HADHB: variants seen among roughly 807,000 people sequenced by gnomAD.
HADHB encodes hydroxyacyl-CoA dehydrogenase trifunctional multienzyme complex subunit beta.
In HADHB, 50 loss-of-function variants were observed where a neutral mutation model predicts 61.9. The ratio of observed to expected loss-of-function variants is 0.81; its 90% CI spans 0.64 to 1.02. The LOEUF (loss-of-function observed/expected upper bound fraction) is 1.02. Ranked by LOEUF, HADHB falls within the 50% of genes least tolerant of loss-of-function variation. The pLI, the probability that HADHB is intolerant of heterozygous loss-of-function variation, is 0.00. For missense variants in HADHB, 504 were observed against 586.5 expected (o/e 0.86, Z 1.45); for synonymous variants, 191 against 201.6 (o/e 0.95, Z 0.45).
Position 26,282,937 on chromosome 2 carries a change from T to G in HADHB, c.1013+13T>G. 2 of 1,605,946 alleles carry G rather than the reference T, an allele frequency of 1.2e-6. No homozygotes were observed. The highest frequency in any genetic ancestry group is 3.3e-5 in the Admixed American group (2 of 60,026). On this transcript the variant is annotated intron_variant, in intron 11 of 15. Transcript: ENST00000317799. ...AGGCATATTTGAGGTAAAGTAAATG[T>G]TCAAACAAATCATCTCTGATTTCTT...
At position 26,280,105 on chromosome 2, in the gene HADHB, C is replaced by A. The variant is rs1672723074; in HGVS notation, c.923C>A (p.Ser308Tyr). ...KPYGTVTAANSSFLTDGASAM... is the reference protein window; with the variant it reads ...KPYGTVTAANYSFLTDGASAM... ...TACGGCACAGTGACAGCTGCAAATT[C>A]TTCTTTCTTGGTAACTGTCAATGTT... The change falls in exon 10 of 16, where the codon TCT becomes TAT. Residue 308 changes from serine (S) to tyrosine (Y), a missense_variant. Transcript: ENST00000317799. 6.2e-7 allele frequency: 1 copy of A among 1,612,502 alleles called. No individual in the cohort carries two copies. The highest frequency in any genetic ancestry group is 8.5e-7 in the Non-Finnish European group (1 of 1,178,698).
chr2:26,278,859 T>C, intron 8 of HADHB, 58 bp downstream of exon 8: 1 of 1,348,260 alleles, frequency 7.4e-7, no homozygotes, highest in Non-Finnish European at 1.1e-6. Context: ...GGTATGGCAG[T>C]GTGGACTCTG....
chr2:26,261,966 C>T (rs542416357), intron 3 of HADHB, among the ~76,000 whole-genome samples: 16 of 152,088 alleles, frequency 1.1e-4, no homozygotes, highest in African/African-American at 3.9e-4. Flanking sequence ...TTGATACTGC[C>T]TTTATCCTGG....
At chr2:26,261,825 G>C (rs1338307130) in intron 3 of HADHB, among the ~76,000 whole-genome samples, 1 of 150,766 alleles carries the variant, frequency 6.6e-6, no homozygotes, top group South Asian at 2.1e-4. Context: ...TTCTCACTTT[G>C]TTTCGGGTAG....
Position 26,260,081 on chromosome 2 carries a change from G to GTTTT in HADHB, c.110-3284_110-3281dup, listed in dbSNP as rs35276756. ...AGGAATATATGGTCAGTTTTTTCTG[G>GTTTT]TTTTTTTTTTTTTTTTTTGAGGCAG... is the stretch of plus-strand genomic sequence containing the variant. On this transcript the variant is annotated intron_variant, in intron 3 of 15. Coordinates refer to ENST00000317799, the MANE Select transcript of HADHB (RefSeq NM_000183.3). 4.4e-3 allele frequency among the ~76,000 whole-genome samples: 585 copies of GTTTT among 133,540 alleles called. 9 individuals are homozygous for GTTTT. Among genetic ancestry groups the GTTTT allele is most frequent in the African/African-American group, 0.015 (550 of 36,554 alleles). 87.6% of individuals were successfully genotyped at this position (133,540 alleles called of 152,430 possible). A position where few individuals can be genotyped will look rare whatever the true frequency, so the allele number is the denominator to read the frequency against.
At chr2:26,270,073 ATTTGTTC>A in intron 5 of HADHB, 76 bp downstream of exon 5, 1 of 948,272 alleles carries the variant, frequency 1.1e-6, no homozygotes, top group Non-Finnish European at 1.7e-6. Context: ...TAAAATAGCA[ATTTGTTC>A]TTATTTTAGC....
At chr2:26,270,799 CCT>C (rs1672306474) in intron 5 of HADHB, among the ~76,000 whole-genome samples, 1 of 151,942 alleles carries the variant, frequency 6.6e-6, no homozygotes, top group Non-Finnish European at 1.5e-5. Context: ...GCTATAATCA[CCT>C]CTCTTCTGTT....
chr2:26,289,995 A>T lies in HADHB; in HGVS notation c.*42A>T, dbSNP rs1673199008. The T allele has an allele frequency of 3.7e-6, 5 of 1,343,862 alleles. No homozygotes were observed. In the East Asian group the frequency reaches 1.1e-4, roughly 31 times the overall value. 83.2% of individuals were successfully genotyped at this position (1,343,862 alleles called of 1,614,324 possible). A position where few individuals can be genotyped will look rare whatever the true frequency, so the allele number is the denominator to read the frequency against. On this transcript the variant is annotated 3_prime_UTR_variant, in exon 16 of 16. Transcript: ENST00000317799. ...GACCTGAAGTTTCTGTGCAACACTC[A>T]CACTAGGCAATGCCATTTCAATGCA...
intron 14 of HADHB, among the ~76,000 whole-genome samples, 186 bp from the exon 15 acceptor site, chr2:26,285,221 A>G (rs1239240483): frequency 6.6e-6 from 1 of 152,228 alleles, no homozygotes; most frequent in Non-Finnish European, 1.5e-5. Context: ...ACATTAGATG[A>G]AAAATAAATG....
intron 4 of HADHB, among the ~76,000 whole-genome samples, chr2:26,266,605 C>T (rs914480450): frequency 7.9e-5 from 12 of 151,558 alleles, no homozygotes; most frequent in East Asian, 1.9e-4. Flanking sequence ...GTTGGCTGGG[C>T]GCAGTGGCTC....
In HADHB at chr2:26,257,341, C is replaced by T. The variant is rs535473370; in HGVS notation, c.109+2867C>T. On this transcript the variant is annotated intron_variant, in intron 3 of 15. Coordinates refer to ENST00000317799, the MANE Select transcript of HADHB (RefSeq NM_000183.3). The stretch of plus-strand genomic sequence containing the variant: ...GTCACCGTGTTAGCCAGGATGGTCT[C>T]GATCTCCTGACCTCGTGATCTGCCC... Among the ~76,000 whole-genome samples the T allele has an allele frequency of 9.9e-5, 15 of 151,848 alleles. No individual in the cohort carries two copies. In the South Asian group the frequency reaches 2.1e-3, roughly 21 times the overall value.
chr2:26,279,752 A>T (rs1672707039), intron 9 of HADHB, among the ~76,000 whole-genome samples: 1 of 152,214 alleles, frequency 6.6e-6, no homozygotes, highest in South Asian at 2.1e-4. Context: ...GCCAACTGTG[A>T]ATGAATGTCT....
chr2:26,278,895 G>C, intron 8 of HADHB, 94 bp downstream of exon 8: 3 of 1,131,192 alleles, frequency 2.7e-6, no homozygotes, highest in Non-Finnish European at 4.1e-6. Context: ...TGTAGATTCT[G>C]TAGTTACAGG....
chr2:26,287,076 C>T (rs769914542), intron 15 of HADHB, among the ~76,000 whole-genome samples: 1 of 151,620 alleles, frequency 6.6e-6, no homozygotes, highest in Non-Finnish European at 1.5e-5. Flanking sequence ...TGGTGGTGTG[C>T]GCCTGTAATT....
chr2:26,262,921 T>A (rs552681016), intron 3 of HADHB, among the ~76,000 whole-genome samples: 30 of 151,794 alleles, frequency 2.0e-4, no homozygotes, highest in South Asian at 4.2e-4. Context: ...AGCCTTTTTT[T>A]AAAAAAAAAT....
At chr2:26,269,644 AC>A (rs1241947796) in intron 4 of HADHB, among the ~76,000 whole-genome samples, 2 of 152,224 alleles carry the variant, frequency 1.3e-5, no homozygotes, top group Non-Finnish European at 2.9e-5. Flanking sequence ...AGGAAAAGAG[AC>A]CTCAAAGGTG....
chr2:26,280,384 C>G (rs1271529489), intron 10 of HADHB, among the ~76,000 whole-genome samples: 3 of 151,902 alleles, frequency 2.0e-5, no homozygotes, highest in African/African-American at 7.3e-5. Context: ...TATGGTGGGC[C>G]CTGGAAATGA....
intron 15 of HADHB, among the ~76,000 whole-genome samples, chr2:26,288,156 A>G (rs533701409): frequency 4.6e-5 from 7 of 151,006 alleles, no homozygotes; most frequent in African/African-American, 1.7e-4. Context: ...GGTCCCAGTT[A>G]CTCAGGAGGG....
Position 26,278,689 on chromosome 2 carries a change from T to C in HADHB, c.518T>C (p.Ile173Thr), listed in dbSNP as rs1379443803. 6.2e-7 allele frequency: 1 copy of C among 1,613,942 alleles called. No homozygotes were observed. Among genetic ancestry groups the C allele is most frequent in the African/African-American group, 1.3e-5 (1 of 74,930 alleles). ...GGVELMSDVPIRHSRKMRKLM... is the reference protein window; with the variant it reads ...GGVELMSDVPTRHSRKMRKLM... ...GTTGAGTTGATGTCCGATGTCCCTA[T>C]TCGTCACTCAAGGAAAATGAGAAAA... The change falls in exon 8 of 16, where the codon ATT becomes ACT. Residue 173 changes from isoleucine to threonine, a missense_variant. Coordinates refer to ENST00000317799, the MANE Select transcript of HADHB (RefSeq NM_000183.3).
Sources: allele counts gnomAD v4.1 joint callset (sites outside exome capture counted in the v4.1 genomes callset), GRCh38; gene constraint gnomAD v4.1.1; transcripts MANE v1.5; gene names NCBI Gene and HGNC (gene_info 2026-07-23, HGNC 2026-07-21).